ENDOU: variants seen among roughly 807,000 people sequenced by gnomAD.
ENDOU encodes endonuclease, poly(U) specific.
Under a neutral mutation model 54.2 loss-of-function variants are expected in ENDOU, and 49 were observed. That is an observed-to-expected ratio of 0.90 (90% CI 0.72 to 1.15). ENDOU has a LOEUF of 1.15. ENDOU is among the 50% of genes most tolerant of loss of function. The probability of loss-of-function intolerance (pLI) is 0.00; values close to 1 mark genes in which losing one functional copy is unlikely to be tolerated. For synonymous variants in ENDOU, 172 were observed against 190.5 expected, an observed-to-expected ratio of 0.90 and a Z score of 0.80; for missense variants, 458 against 511.4, an observed-to-expected ratio of 0.90 and a Z score of 1.01.
In ENDOU at chr12:47,718,331, A is replaced by C. The variant is rs534690109; in HGVS notation, c.179-137T>G. 4.5e-6 allele frequency: 3 copies of C among 662,264 alleles called. No homozygotes were observed. In the East Asian group the frequency reaches 8.4e-5, roughly 19 times the overall value. The allele number at this position is 662,264 out of a possible 1,614,324, so 41.0% of individuals were successfully genotyped here. A position where few individuals can be genotyped will look rare whatever the true frequency, so the allele number is the denominator to read the frequency against. On this transcript the variant is annotated intron_variant, in intron 2 of 9. Coordinates refer to ENST00000422538, the MANE Select transcript of ENDOU (RefSeq NM_001172439.2). ...AAATTCTGAACAGGGGCTGGGGTCCAATGGACAGGCACCAAATAATGATGA... is the reference window on the plus strand; with the variant it reads ...AAATTCTGAACAGGGGCTGGGGTCCCATGGACAGGCACCAAATAATGATGA...
At chr12:47,724,050 A>G (rs1472533577) in intron 1 of ENDOU, among the ~76,000 whole-genome samples, 1 of 152,192 alleles carries the variant, frequency 6.6e-6, no homozygotes, top group African/African-American at 2.4e-5. Flanking sequence ...CAAAGCAGAT[A>G]CTGCCCTCCG....
intron 6 of ENDOU, 85 bp from the exon 7 acceptor site, chr12:47,713,473 C>A (rs1351903930): frequency 1.3e-5 from 11 of 836,644 alleles, no homozygotes; most frequent in Non-Finnish European, 4.1e-6. Flanking sequence ...GAGCTACTTG[C>A]TCCCACACGT....
intron 1 of ENDOU, among the ~76,000 whole-genome samples, chr12:47,722,538 T>C (rs1000966698): frequency 6.6e-6 from 1 of 152,204 alleles, no homozygotes; most frequent in African/African-American, 2.4e-5. Context: ...GAAGTATTTG[T>C]TAGGTGAATA....
At position 47,716,384 on chromosome 12, in the gene ENDOU, C is replaced by A. The variant is rs746661157; in HGVS notation, c.667G>T (p.Glu223Ter). The A allele has an allele frequency of 1.5e-5, 24 of 1,614,192 alleles. No individual in the cohort carries two copies. The highest frequency in any genetic ancestry group is 1.9e-5 in the Non-Finnish European group (22 of 1,180,036). The change falls in exon 6 of 10, where the codon GAG becomes TAG. Residue 223 changes from glutamate (E) to a stop codon, truncating the protein, a stop_gained. Coordinates refer to ENST00000422538, the MANE Select transcript of ENDOU (RefSeq NM_001172439.2). LOFTEE classifies it high-confidence loss of function. Reference sequence around the variant, plus strand: ...AGGAAGGCGTCCTGCTCGGCCAGCTCCTGGGCACTGAAGTGCTCCCCATGG... The same window carrying A: ...AGGAAGGCGTCCTGCTCGGCCAGCTACTGGGCACTGAAGTGCTCCCCATGG... ...TGHGEHFSAQ[E>*]LAEQDAFLRE...
In ENDOU at chr12:47,720,940, G is replaced by T. The variant is rs184049647; in HGVS notation, c.56-65C>A. The T allele has an allele frequency of 1.5e-5, 22 of 1,503,268 alleles. No individual in the cohort carries two copies. The South Asian group carries it at 2.6e-4, about 17-fold the overall frequency. 93.1% of individuals were successfully genotyped at this position (1,503,268 alleles called of 1,614,324 possible). ...CCCTGTTCTCCCCAGGGTGCCTCCTGCAGGAGGGTTCACAGACCAGGGCAG... is the reference window on the plus strand; with the variant it reads ...CCCTGTTCTCCCCAGGGTGCCTCCTTCAGGAGGGTTCACAGACCAGGGCAG... On this transcript the variant is annotated intron_variant, in intron 1 of 9. Transcript: ENST00000422538.
chr12:47,710,793 G>C lies in ENDOU; in HGVS notation c.*9C>G. ...GAGCCCTCATGCCCCTTTCTGGCTC[G>C]AAGTTCTATTAGGTGGAAGACACTA... is the stretch of plus-strand genomic sequence containing the variant. On this transcript the variant is annotated 3_prime_UTR_variant, in exon 10 of 10. Coordinates refer to ENST00000422538, the MANE Select transcript of ENDOU (RefSeq NM_001172439.2). 1.3e-6 allele frequency: 2 copies of C among 1,599,522 alleles called. No homozygotes were observed. The highest frequency in any genetic ancestry group is 2.2e-5 in the East Asian group (1 of 44,800).
Position 47,721,295 on chromosome 12 carries a change from C to CT in ENDOU, c.56-421dup, listed in dbSNP as rs983945399. Among the ~76,000 whole-genome samples, 8 of 151,586 alleles carry CT rather than the reference C, an allele frequency of 5.3e-5. No homozygotes were observed. In the South Asian group the frequency reaches 6.3e-4, roughly 12 times the overall value. On this transcript the variant is annotated intron_variant, in intron 1 of 9. Transcript: ENST00000422538. Reference sequence around the variant, plus strand: ...GTGCTCAGTGTTGCCAGAGCCTTCCCTTTTTTTTTCAAGATAAATCTTCAT... The same window carrying CT: ...GTGCTCAGTGTTGCCAGAGCCTTCCCTTTTTTTTTTCAAGATAAATCTTCAT...
At chr12:47,722,772 T>C (rs1424619681) in intron 1 of ENDOU, among the ~76,000 whole-genome samples, 2 of 152,222 alleles carry the variant, frequency 1.3e-5, no homozygotes, top group African/African-American at 4.8e-5. Flanking sequence ...CAGAGAGGCA[T>C]TGGGTCAAGG....
intron 2 of ENDOU, among the ~76,000 whole-genome samples, 156 bp from the exon 3 acceptor site, chr12:47,718,350 A>C (rs1337913041): frequency 1.3e-5 from 2 of 152,196 alleles, no homozygotes; most frequent in African/African-American, 4.8e-5. Flanking sequence ...GCACCAAATA[A>C]TGATGATGAA....
chr12:47,718,103 G>T, intron 3 of ENDOU, 26 bp downstream of exon 3: 1 of 1,549,492 alleles, frequency 6.5e-7, no homozygotes, highest in Non-Finnish European at 8.7e-7. Context: ...TATCTTGAGG[G>T]CCCCCCTTTG....
chr12:47,717,039 A>G lies in ENDOU; in HGVS notation c.402T>C (p.Asp134=). The G allele has an allele frequency of 1.2e-6, 2 of 1,614,030 alleles. No individual in the cohort carries two copies. Among genetic ancestry groups the G allele is most frequent in the African/African-American group, 1.3e-5 (1 of 74,996 alleles). The change falls in exon 5 of 10, where the codon GAT becomes GAC. Residue 134 remains aspartate (D), a synonymous_variant. Coordinates refer to ENST00000422538, the MANE Select transcript of ENDOU (RefSeq NM_001172439.2). Reference sequence around the variant, plus strand: ...TCTGAATCTCCTCTTTTGTTATGGCATCACTGCTGTGGGAGACCTCTGGGA... The same window carrying G: ...TCTGAATCTCCTCTTTTGTTATGGCGTCACTGCTGTGGGAGACCTCTGGGA... ...CSDHEVSHSS[D]AITKEEIQSI...
At position 47,723,259 on chromosome 12, in the gene ENDOU, T is replaced by C. The variant is rs146681531; in HGVS notation, c.55+2100A>G. 2.0e-5 allele frequency among the ~76,000 whole-genome samples: 3 copies of C among 152,334 alleles called. No individual in the cohort carries two copies. In the East Asian group the frequency reaches 5.8e-4, roughly 29 times the overall value. On this transcript the variant is annotated intron_variant, in intron 1 of 9. Transcript: ENST00000422538. ...GCCAGCACTTTCTCACATTTCTCTG[T>C]GCACTTAGTCTGCTTCAAGGTGACC...
chr12:47,712,482 G>A lies in ENDOU; in HGVS notation c.972+34C>T, dbSNP rs763166358. On this transcript the variant is annotated intron_variant, in intron 8 of 9. Transcript: ENST00000422538. ...CACAGAGTGAGAGCAGGATATCTGG[G>A]CTCTGACAAGGCTTTTCTAGTCCGT... 8 of 1,497,638 alleles carry A rather than the reference G, an allele frequency of 5.3e-6. No homozygotes were observed. In the South Asian group the frequency reaches 8.0e-5, roughly 15 times the overall value. 92.8% of individuals were successfully genotyped at this position (1,497,638 alleles called of 1,614,324 possible). A position where few individuals can be genotyped will look rare whatever the true frequency, so the allele number is the denominator to read the frequency against.
intron 6 of ENDOU, among the ~76,000 whole-genome samples, chr12:47,714,380 G>T (rs1379380250): frequency 2.0e-5 from 3 of 152,242 alleles, no homozygotes; most frequent in Admixed American, 1.3e-4. Context: ...GATCACCCTG[G>T]CTGTGTATGT....
At chr12:47,722,315 C>T (rs1410562732) in intron 1 of ENDOU, among the ~76,000 whole-genome samples, 2 of 152,158 alleles carry the variant, frequency 1.3e-5, no homozygotes, top group Admixed American at 6.5e-5. Context: ...AGAACCTAGA[C>T]TCTGGCGCCA....
chr12:47,715,816 T>C (rs1940205310), intron 6 of ENDOU, among the ~76,000 whole-genome samples: 1 of 152,220 alleles, frequency 6.6e-6, no homozygotes, highest in South Asian at 2.1e-4. Flanking sequence ...TGAACCTTTG[T>C]TGATTCTCTG....
At chr12:47,716,273 C>T (rs1940228579) in intron 6 of ENDOU, 27 bp downstream of exon 6, 3 of 1,612,198 alleles carry the variant, frequency 1.9e-6, no homozygotes, top group Non-Finnish European at 1.7e-6. Flanking sequence ...GACTCATGCG[C>T]TCTGGGGCCT....
In ENDOU at chr12:47,717,581, T is replaced by C; in HGVS notation, c.319A>G (p.Asn107Asp). Residue 107 changes from asparagine (N) to aspartate (D), a missense_variant, in exon 4 of 10, where the codon AAT becomes GAT. Coordinates refer to ENST00000422538, the MANE Select transcript of ENDOU (RefSeq NM_001172439.2). ...AFDKHHQCHCNARCQEFGNCC... is the reference protein window; with the variant it reads ...AFDKHHQCHCDARCQEFGNCC... ...TTCCCAAACTCTTGGCAGCGGGCAT[T>C]GCAGTGACATTGGTGGTGCTTGTCA... 6.2e-7 allele frequency: 1 copy of C among 1,614,160 alleles called. No individual in the cohort carries two copies. The highest frequency in any genetic ancestry group is 8.5e-7 in the Non-Finnish European group (1 of 1,180,024).
chr12:47,711,999 A>G (rs150738215), intron 8 of ENDOU, among the ~76,000 whole-genome samples: 17 of 152,310 alleles, frequency 1.1e-4, no homozygotes, highest in East Asian at 1.9e-4. Context: ...CACATCTACC[A>G]GAAAGGCCAA....
Sources: gnomAD v4.1 joint callset for allele counts (sites outside exome capture counted in the v4.1 genomes callset) on GRCh38, gnomAD v4.1.1 for gene constraint, MANE v1.5 for transcripts, NCBI Gene and HGNC (gene_info 2026-07-23, HGNC 2026-07-21) for gene names.